GPHN: variants seen among roughly 807,000 people sequenced by gnomAD.
GPHN encodes gephyrin.
In GPHN, 17 loss-of-function variants were observed where a neutral mutation model predicts 95.5. That is an observed-to-expected ratio of 0.18 (90% CI 0.12 to 0.27). The LOEUF (loss-of-function observed/expected upper bound fraction) is 0.27. Among genes scored for constraint, GPHN ranks in the 10% least tolerant of loss-of-function variants. GPHN has a pLI of 1.00. For synonymous variants in GPHN, 320 were observed against 322.5 expected, an observed-to-expected ratio of 0.99 and a Z score of 0.08; for missense variants, 660 against 978.1, an observed-to-expected ratio of 0.67 and a Z score of 4.34.
chr14:67,658,620 A>G, the GPHN span, among the ~76,000 whole-genome samples: 3 of 152,150 alleles, frequency 2.0e-5, no homozygotes, highest in Admixed American at 6.5e-5. Flanking sequence ...ATAATTTCTG[A>G]AACTCATAAT....
At chr14:67,578,249 G>T in the GPHN span, 3 of 1,541,368 alleles carry the variant, frequency 1.9e-6, no homozygotes, top group Non-Finnish European at 1.8e-6. This position sits in a 1 kb window ranked among gnomAD's most constrained non-coding sequence, Gnocchi z 5.0. Flanking sequence ...GGCAAGGGCT[G>T]CCAGGTGGGA....
chr14:67,564,675 AT>A, the GPHN span, among the ~76,000 whole-genome samples: 1,189 of 132,638 alleles, frequency 9.0e-3, 20 homozygotes, highest in African/African-American at 0.032. Context: ...CCAGGCTGAC[AT>A]TTTTTTTTTC....
At chr14:66,584,313 T>C (rs1413315740) in intron 1 of GPHN, among the ~76,000 whole-genome samples, 2 of 152,182 alleles carry the variant, frequency 1.3e-5, no homozygotes, top group African/African-American at 2.4e-5. Context: ...TTTCTAGTTA[T>C]ACAATCTTGT....
At chr14:67,371,095 G>A in the GPHN span, among the ~76,000 whole-genome samples, 2 of 152,084 alleles carry the variant, frequency 1.3e-5, no homozygotes, top group Non-Finnish European at 2.9e-5. Flanking sequence ...GCAGAAATAA[G>A]ATGAGTCATA....
the GPHN span, chr14:67,619,951 C>T: frequency 5.3e-6 from 8 of 1,511,960 alleles, no homozygotes; most frequent in Non-Finnish European, 7.2e-6. Context: ...GGAGCCTCTG[C>T]CTTGGAGATT....
chr14:66,769,624 G>C (rs1011067969), intron 2 of GPHN, among the ~76,000 whole-genome samples: 3 of 152,106 alleles, frequency 2.0e-5, no homozygotes, highest in Admixed American at 6.5e-5. Context: ...ATGGCCTCCA[G>C]CTCCATCCAA....
At chr14:67,397,131 G>T in the GPHN span, among the ~76,000 whole-genome samples, 2 of 152,098 alleles carry the variant, frequency 1.3e-5, no homozygotes, top group Non-Finnish European at 2.9e-5. Flanking sequence ...TAGAGATGGG[G>T]TTTCACCATG....
chr14:67,301,874 A>G, the GPHN span: 1 of 1,291,248 alleles, frequency 7.7e-7, no homozygotes, highest in African/African-American at 1.5e-5. Flanking sequence ...ACACTTTTAA[A>G]GATTTAATGG....
chr14:67,723,217 AGT>A, the GPHN span, among the ~76,000 whole-genome samples: 2 of 151,988 alleles, frequency 1.3e-5, no homozygotes, highest in Non-Finnish European at 2.9e-5. Context: ...GTCAAATAAA[AGT>A]GTGTTCTGAG....
chr14:67,401,802 A>C, the GPHN span, among the ~76,000 whole-genome samples: 1 of 152,144 alleles, frequency 6.6e-6, no homozygotes, highest in South Asian at 2.1e-4. Context: ...TAAGAGGAGA[A>C]AAATGCAACC....
intron 2 of GPHN, among the ~76,000 whole-genome samples, chr14:66,774,791 C>T (rs1163103239): frequency 1.3e-5 from 2 of 152,102 alleles, no homozygotes; most frequent in African/African-American, 4.8e-5. Context: ...TAACATGTAT[C>T]CACTTTTCAA....
intron 2 of GPHN, among the ~76,000 whole-genome samples, chr14:66,736,947 T>A (rs1392837103): frequency 2.0e-5 from 3 of 152,154 alleles, no homozygotes; most frequent in African/African-American, 7.2e-5. Flanking sequence ...TTTATGAATT[T>A]TCCTTTCATC....
At chr14:67,685,231 G>A in the GPHN span, 2 of 1,586,944 alleles carry the variant, frequency 1.3e-6, no homozygotes, top group Middle Eastern at 1.7e-4. Flanking sequence ...TGAAGAGAGG[G>A]TAAGACAGGA....
chr14:66,593,630 T>C (rs1487121215), intron 1 of GPHN, among the ~76,000 whole-genome samples: 1 of 152,154 alleles, frequency 6.6e-6, no homozygotes, highest in South Asian at 2.1e-4. Flanking sequence ...TGAGATGAGA[T>C]TTGGGTGGGG....
rs181583119 is a variant in GPHN at position 66,807,738 on chromosome 14, T to G, written c.202-16736T>G. On this transcript the variant is annotated intron_variant, in intron 3 of 22. Coordinates refer to ENST00000478722, the MANE Select transcript of GPHN (RefSeq NM_020806.5). Reference sequence around the variant, plus strand: ...ACAGAAGCATTTTGGTGTCTTATGTTTTATTAAATATACAAGAATTGAGTT... The same window carrying G: ...ACAGAAGCATTTTGGTGTCTTATGTGTTATTAAATATACAAGAATTGAGTT... Among the ~76,000 whole-genome samples, 487 of 152,362 alleles carry G rather than the reference T, an allele frequency of 3.2e-3. 2 individuals carry two copies. The highest frequency in any genetic ancestry group is 5.0e-3 in the Non-Finnish European group (343 of 68,042).
the GPHN span, among the ~76,000 whole-genome samples, chr14:67,352,426 C>CAA: frequency 7.8e-5 from 6 of 76,788 alleles, no homozygotes; most frequent in African/African-American, 1.0e-4. Flanking sequence ...GACCTTGCCT[C>CAA]AAAAAAAAAA....
the GPHN span, among the ~76,000 whole-genome samples, chr14:67,365,430 A>G: frequency 1.3e-5 from 2 of 152,194 alleles, no homozygotes; most frequent in South Asian, 2.1e-4. Flanking sequence ...GATTTTAGGG[A>G]TCTTTTATAT....
the GPHN span, among the ~76,000 whole-genome samples, chr14:67,665,618 A>G: frequency 1.3e-5 from 2 of 152,168 alleles, no homozygotes; most frequent in East Asian, 3.8e-4. Context: ...CGTATATTCT[A>G]TAATCTCAAC....
chr14:67,059,122 A>G, intron 11 of GPHN: 1 of 383,642 alleles, frequency 2.6e-6, no homozygotes, highest in Non-Finnish European at 4.6e-6. Context: ...GAAAGTAGTT[A>G]ACTCTGAGTC....
Sources: allele counts gnomAD v4.1 joint callset (sites outside exome capture counted in the v4.1 genomes callset), GRCh38; gene constraint gnomAD v4.1.1; non-coding constraint Gnocchi (gnomAD v3.1); transcripts MANE v1.5; gene names NCBI Gene and HGNC (gene_info 2026-07-23, HGNC 2026-07-21).